The following ABTB3 variants were observed in gnomAD, a reference collection of about 807,000 sequenced individuals.
ABTB3 encodes the protein ankyrin repeat and BTB domain containing 3, also known as ankyrin repeat- and BTB/POZ domain-containing protein 3.
the ABTB3 span, among the ~76,000 whole-genome samples, chr12:107,344,128 C>T: frequency 1.3e-5 from 2 of 152,146 alleles, no homozygotes; most frequent in African/African-American, 4.8e-5. Flanking sequence ...CTTCAGTCAT[C>T]ACATGTGCAT....
the ABTB3 span, among the ~76,000 whole-genome samples, chr12:107,548,599 G>A: frequency 2.0e-5 from 3 of 151,864 alleles, no homozygotes; most frequent in Non-Finnish European, 4.4e-5. Flanking sequence ...CCAGAACTTT[G>A]GCTACTATTT....
chr12:107,453,461 A>G, the ABTB3 span, among the ~76,000 whole-genome samples: 2 of 152,152 alleles, frequency 1.3e-5, no homozygotes, highest in African/African-American at 4.8e-5. Context: ...AGCCCCTTCC[A>G]CCATGTGAGA....
At chr12:107,643,758 T>TTTTTG in the ABTB3 span, among the ~76,000 whole-genome samples, 160 of 137,018 alleles carry the variant, frequency 1.2e-3, no homozygotes, top group Non-Finnish European at 2.2e-3. Context: ...ATTCCTTTTT[T>TTTTTG]TTTTTTTTTT....
chr12:107,648,380 C>CACACACACA, the ABTB3 span, among the ~76,000 whole-genome samples: 1 of 140,100 alleles, frequency 7.1e-6, no homozygotes, highest in Non-Finnish European at 1.5e-5. Context: ...GACCCCATCT[C>CACACACACA]CACACACACA....
chr12:107,610,333 G>A, the ABTB3 span: 1 of 1,614,024 alleles, frequency 6.2e-7, no homozygotes, highest in Non-Finnish European at 8.5e-7. Context: ...GGGCCCGATG[G>A]GATCAACACC....
chr12:107,621,119 C>T, the ABTB3 span, among the ~76,000 whole-genome samples: 3 of 152,226 alleles, frequency 2.0e-5, no homozygotes, highest in African/African-American at 7.2e-5. Context: ...GGCAGCAACA[C>T]AGCATCTCTG....
the ABTB3 span, chr12:107,486,653 T>A: frequency 1.3e-5 from 2 of 148,368 alleles, no homozygotes; most frequent in African/African-American, 5.0e-5. Flanking sequence ...TTCTTTCTCC[T>A]GAGAGACCTT....
the ABTB3 span, among the ~76,000 whole-genome samples, chr12:107,624,331 C>T: frequency 7.9e-5 from 12 of 151,924 alleles, no homozygotes; most frequent in Non-Finnish European, 1.8e-4. Flanking sequence ...AGAGAGATTC[C>T]TGTGTACCAT....
At chr12:107,626,940 G>A in the ABTB3 span, among the ~76,000 whole-genome samples, 1 of 152,050 alleles carries the variant, frequency 6.6e-6, no homozygotes, top group South Asian at 2.1e-4. Context: ...TTGAGTCCAG[G>A]AGTTTGAGAC....
the ABTB3 span, among the ~76,000 whole-genome samples, chr12:107,509,143 A>G: frequency 2.6e-5 from 4 of 152,138 alleles, no homozygotes; most frequent in African/African-American, 7.2e-5. Flanking sequence ...TTTCCTCTTA[A>G]GCCCCTATGA....
At chr12:107,320,626 A>G in the ABTB3 span, 131 of 456,098 alleles carry the variant, frequency 2.9e-4, 2 homozygotes, top group South Asian at 2.0e-3. Context: ...CGGCCTAGAC[A>G]GTCGTAAAGG....
the ABTB3 span, among the ~76,000 whole-genome samples, chr12:107,531,090 C>G: frequency 1.3e-5 from 2 of 152,200 alleles, no homozygotes; most frequent in African/African-American, 4.8e-5. Flanking sequence ...GTTTTCTTAT[C>G]TGCAAAGCAT....
the ABTB3 span, among the ~76,000 whole-genome samples, chr12:107,529,303 TGATGATGATGGAGATGATGGTGATGGC>T: frequency 6.6e-6 from 1 of 151,278 alleles, no homozygotes; most frequent in South Asian, 2.1e-4. Context: ...GTGATGGTGA[TGATGATGATGGAGATGATGGTGATGGC>T]GATAATGATG....
the ABTB3 span, among the ~76,000 whole-genome samples, chr12:107,542,307 G>C: frequency 3.4e-5 from 2 of 58,830 alleles, no homozygotes; most frequent in African/African-American, 1.6e-4. Context: ...GCGAAACTCT[G>C]TCTCAAAAAA....
the ABTB3 span, among the ~76,000 whole-genome samples, chr12:107,634,357 A>G: frequency 4.6e-5 from 7 of 152,304 alleles, no homozygotes; most frequent in South Asian, 1.5e-3. Context: ...ATCTCACCCA[A>G]AGGTAACTAC....
chr12:107,596,543 AGGT>A, the ABTB3 span, among the ~76,000 whole-genome samples: 1 of 152,122 alleles, frequency 6.6e-6, no homozygotes, highest in African/African-American at 2.4e-5. Context: ...TGAACTTGGT[AGGT>A]GGAGGTTTCA....
the ABTB3 span, among the ~76,000 whole-genome samples, chr12:107,394,510 G>T: frequency 2.0e-5 from 3 of 152,152 alleles, no homozygotes; most frequent in Non-Finnish European, 4.4e-5. Context: ...GAATGCAGAT[G>T]GGCTTTTGTA....
the ABTB3 span, among the ~76,000 whole-genome samples, chr12:107,602,529 C>T: frequency 6.6e-6 from 1 of 152,172 alleles, no homozygotes; most frequent in Non-Finnish European, 1.5e-5. Flanking sequence ...TCATTTAATT[C>T]ATATCCAAAA....
chr12:107,528,818 C>T, the ABTB3 span, among the ~76,000 whole-genome samples: 4 of 150,422 alleles, frequency 2.7e-5, no homozygotes, highest in Admixed American at 6.6e-5. Flanking sequence ...GAGATGATGA[C>T]GGTGGTCATG....
Sources: gnomAD v4.1 joint callset for allele counts (sites outside exome capture counted in the v4.1 genomes callset) on GRCh38, gnomAD v4.1.1 for gene constraint, MANE v1.5 for transcripts, NCBI Gene and HGNC (gene_info 2026-07-23, HGNC 2026-07-21) for gene names.